EPHA4: variants seen among roughly 807,000 people sequenced by gnomAD.
EPHA4 encodes the protein ephrin type-A receptor 4.
Under a neutral mutation model 108.3 loss-of-function variants are expected in EPHA4, and 19 were observed. The ratio of observed to expected loss-of-function variants is 0.18; its 90% CI spans 0.12 to 0.26. The LOEUF (loss-of-function observed/expected upper bound fraction) is 0.26. Ranked by LOEUF, EPHA4 falls within the 10% of genes least tolerant of loss-of-function variation. The pLI is 1.00. For missense variants in EPHA4, 917 were observed against 1,254.0 expected (o/e 0.73, Z 4.06); for synonymous variants, 449 against 455.5 (o/e 0.99, Z 0.18).
intron 3 of EPHA4, among the ~76,000 whole-genome samples, chr2:221,520,735 T>C (rs975724022): frequency 1.3e-5 from 2 of 152,322 alleles, no homozygotes; most frequent in African/African-American, 2.4e-5. Flanking sequence ...ATTCATGTAA[T>C]CTCTGATTTT....
intron 4 of EPHA4, among the ~76,000 whole-genome samples, chr2:221,493,425 C>T (rs1180953653): frequency 1.3e-5 from 2 of 151,534 alleles, no homozygotes; most frequent in Admixed American, 1.3e-4. Context: ...ATGTGAGATT[C>T]CCAAAATTAA....
chr2:221,524,626 T>C (rs552089266), intron 3 of EPHA4, among the ~76,000 whole-genome samples: 6 of 152,328 alleles, frequency 3.9e-5, no homozygotes, highest in Non-Finnish European at 2.9e-5. Context: ...ACATTGTACT[T>C]AGTGACCTTT....
intron 3 of EPHA4, among the ~76,000 whole-genome samples, chr2:221,556,518 G>A (rs1171886809): frequency 6.9e-6 from 1 of 144,640 alleles, no homozygotes; most frequent in African/African-American, 2.6e-5. Flanking sequence ...CAACATATTG[G>A]TCTTAAACTC....
At chr2:221,442,499 T>G (rs1291861074) in intron 11 of EPHA4, among the ~76,000 whole-genome samples, 1 of 152,230 alleles carries the variant, frequency 6.6e-6, no homozygotes, top group Non-Finnish European at 1.5e-5. Context: ...GGAAAAGTAC[T>G]TAAATTTTAT....
intron 3 of EPHA4, among the ~76,000 whole-genome samples, chr2:221,538,620 G>A (rs73994292): frequency 0.013 from 1,916 of 152,156 alleles, 38 homozygotes; most frequent in African/African-American, 0.043. Flanking sequence ...GTAAGTTTAT[G>A]CTGGCAAATA....
chr2:221,514,936 A>G (rs1423562309), intron 3 of EPHA4, among the ~76,000 whole-genome samples: 2 of 152,180 alleles, frequency 1.3e-5, no homozygotes, highest in African/African-American at 4.8e-5. Flanking sequence ...ATCAAATACA[A>G]AAGAACAGCA....
chr2:221,538,515 GCTCT>G (rs572213813), intron 3 of EPHA4, among the ~76,000 whole-genome samples: 3 of 152,122 alleles, frequency 2.0e-5, no homozygotes, highest in Non-Finnish European at 2.9e-5. Context: ...AAAACTCAAA[GCTCT>G]CTCTTTTTTT....
At chr2:221,456,544 CT>C in intron 7 of EPHA4, 68 bp downstream of exon 7, 1 of 1,512,364 alleles carries the variant, frequency 6.6e-7, no homozygotes, top group Non-Finnish European at 9.0e-7. Flanking sequence ...TTAGATTTCA[CT>C]GTAATGGGAT....
intron 8 of EPHA4, among the ~76,000 whole-genome samples, chr2:221,447,920 C>A (rs192997839): frequency 1.3e-5 from 2 of 151,930 alleles, no homozygotes; most frequent in Admixed American, 1.3e-4. Context: ...CAGCTCACTG[C>A]AACCTCCACC....
At chr2:221,494,896 C>T (rs1248877953) in intron 4 of EPHA4, among the ~76,000 whole-genome samples, 1 of 147,578 alleles carries the variant, frequency 6.8e-6, no homozygotes, top group Non-Finnish European at 1.5e-5. Flanking sequence ...AAAATCACAT[C>T]AAAATCCCTG....
intron 4 of EPHA4, among the ~76,000 whole-genome samples, chr2:221,499,756 A>ATATTT (rs1334015871): frequency 1.9e-4 from 5 of 26,220 alleles, no homozygotes; most frequent in Non-Finnish European, 2.5e-4. Flanking sequence ...ATATATATAT[A>ATATTT]TTTTTTTTTT....
intron 3 of EPHA4, among the ~76,000 whole-genome samples, chr2:221,527,650 C>T (rs1373485068): frequency 6.6e-6 from 1 of 152,208 alleles, no homozygotes; most frequent in Admixed American, 6.5e-5. Flanking sequence ...TGTGCTTCCT[C>T]AGGGCCACCT....
At chr2:221,550,600 T>C (rs1694130453) in intron 3 of EPHA4, among the ~76,000 whole-genome samples, 1 of 152,184 alleles carries the variant, frequency 6.6e-6, no homozygotes, top group Admixed American at 6.5e-5. Context: ...ACCCATGCAA[T>C]AGGTATCATT....
At position 221,495,678 on chromosome 2, in the gene EPHA4, G is replaced by A. The variant is rs1395039831; in HGVS notation, c.979+5339C>T. On this transcript the variant is annotated intron_variant, in intron 4 of 17. Transcript: ENST00000281821. ...ATTCCCAAAGGTAAAGTTTGTTTACGATTAAATTCTCTTAAGCTCTCCAGC... is the reference window on the plus strand; with the variant it reads ...ATTCCCAAAGGTAAAGTTTGTTTACAATTAAATTCTCTTAAGCTCTCCAGC... 5.3e-5 allele frequency among the ~76,000 whole-genome samples: 8 copies of A among 152,160 alleles called. No individual in the cohort carries two copies. The East Asian group carries it at 1.5e-3, about 29-fold the overall frequency.
At chr2:221,437,945 C>A (rs77395627) in intron 11 of EPHA4, among the ~76,000 whole-genome samples, 2 of 85,376 alleles carry the variant, frequency 2.3e-5, no homozygotes, top group African/African-American at 5.1e-5. Context: ...AACAAAAAAA[C>A]AAGCATGCGA....
intron 3 of EPHA4, among the ~76,000 whole-genome samples, chr2:221,526,794 C>CCGAGAT (rs1693338677): frequency 7.7e-6 from 1 of 129,498 alleles, no homozygotes; most frequent in African/African-American, 2.9e-5. Context: ...TTGCAGTGGG[C>CCGAGAT]CGAGATCGAG....
chr2:221,441,807 C>G (rs981362974), intron 11 of EPHA4, among the ~76,000 whole-genome samples: 3 of 152,134 alleles, frequency 2.0e-5, no homozygotes, highest in Non-Finnish European at 2.9e-5. Context: ...ACAAGTCCCA[C>G]GAGGGGTCCA....
intron 8 of EPHA4, among the ~76,000 whole-genome samples, chr2:221,447,449 A>G (rs966851064): frequency 6.6e-6 from 1 of 152,168 alleles, no homozygotes; most frequent in African/African-American, 2.4e-5. Context: ...CAGAGAACCT[A>G]AAGGAGCCAG....
At chr2:221,514,976 T>G (rs1209394339) in intron 3 of EPHA4, among the ~76,000 whole-genome samples, 1 of 152,160 alleles carries the variant, frequency 6.6e-6, no homozygotes, top group African/African-American at 2.4e-5. Flanking sequence ...TTATCTCAGA[T>G]GTACAAAAAA....
Sources: allele counts gnomAD v4.1 joint callset (sites outside exome capture counted in the v4.1 genomes callset), GRCh38; gene constraint gnomAD v4.1.1; transcripts MANE v1.5; gene names NCBI Gene and HGNC (gene_info 2026-07-23, HGNC 2026-07-21).